The following HNRNPA2B1 variants were observed in gnomAD, a reference collection of about 807,000 sequenced individuals.
HNRNPA2B1 encodes heterogeneous nuclear ribonucleoproteins A2/B1.
HNRNPA2B1 carries 3 observed loss-of-function variants against 46.3 expected under a neutral mutation model. The observed-to-expected ratio is 0.06, with a 90% CI of 0.03 to 0.17. The LOEUF is 0.17. Among genes scored for constraint, HNRNPA2B1 ranks in the 10% least tolerant of loss-of-function variants. The pLI is 1.00. For missense variants in HNRNPA2B1, 221 were observed against 418.9 expected (o/e 0.53, Z 4.12); for synonymous variants, 225 against 133.8 (o/e 1.68, Z -4.70).
intron 4 of HNRNPA2B1, 72 bp downstream of exon 4, chr7:26,196,735 A>C: frequency 1.9e-6 from 3 of 1,564,350 alleles, no homozygotes; most frequent in Non-Finnish European, 2.6e-6. Flanking sequence ...CTTTCAATAA[A>C]GTTACAGATG....
At chr7:26,198,243 T>C (rs1012753616) in intron 1 of HNRNPA2B1, 2 of 162,652 alleles carry the variant, frequency 1.2e-5, no homozygotes, top group Non-Finnish European at 2.7e-5. Context: ...TTCCCTTAAC[T>C]GCCCCCTCTG....
chr7:26,198,229 T>A (rs527583734), intron 1 of HNRNPA2B1: 1 of 170,408 alleles, frequency 5.9e-6, no homozygotes, highest in East Asian at 1.6e-4. Flanking sequence ...AAGTATCATT[T>A]ATTTTCCCTT....
intron 9 of HNRNPA2B1, among the ~76,000 whole-genome samples, chr7:26,192,976 T>C (rs1783081660): frequency 6.6e-6 from 1 of 152,162 alleles, no homozygotes; most frequent in Non-Finnish European, 1.5e-5. Flanking sequence ...ACTTGCAATG[T>C]GGGTTGCAAC....
chr7:26,200,336 C>G, intron 1 of HNRNPA2B1: 1 of 577,886 alleles, frequency 1.7e-6, no homozygotes, highest in Non-Finnish European at 3.1e-6. Flanking sequence ...CATGTGAAAG[C>G]TCCCCATCCC....
chr7:26,197,589 T>C, intron 2 of HNRNPA2B1, 33 bp downstream of exon 2: 1 of 1,570,234 alleles, frequency 6.4e-7, no homozygotes, highest in Non-Finnish European at 8.8e-7. Flanking sequence ...GCTAAAAGAC[T>C]AATATCCAGT....
chr7:26,194,805 A>T (rs909746452), intron 7 of HNRNPA2B1, among the ~76,000 whole-genome samples: 1 of 151,922 alleles, frequency 6.6e-6, no homozygotes, highest in African/African-American at 2.4e-5. Flanking sequence ...AAATAAAAAA[A>T]AAAAAAAGGC....
intron 1 of HNRNPA2B1, 187 bp from the exon 2 acceptor site, chr7:26,197,919 T>C (rs1057451155): frequency 7.1e-6 from 10 of 1,404,148 alleles, no homozygotes; most frequent in Middle Eastern, 5.1e-4. Context: ...TTAAACTGCA[T>C]ATTAGTTGTG....
chr7:26,192,312 C>A lies in HNRNPA2B1; in HGVS notation c.*48G>T. 1.8e-6 allele frequency: 1 copy of A among 559,732 alleles called. No individual in the cohort carries two copies. 34.7% of individuals were successfully genotyped at this position (559,732 alleles called of 1,614,324 possible). On this transcript the variant is annotated 3_prime_UTR_variant, in exon 11 of 11. Transcript: ENST00000618183. ...AGCTGTTCTGTTACCTCTGGGCTCT[C>A]ATCCTCTCCTATTTATACAGTGAAG...
chr7:26,200,515 G>T, intron 1 of HNRNPA2B1, 57 bp downstream of exon 1: 3 of 1,591,034 alleles, frequency 1.9e-6, no homozygotes, highest in Non-Finnish European at 2.6e-6. Flanking sequence ...CTTCCACTGA[G>T]GCGCCAACGG....
chr7:26,190,014 C>CAT lies in HNRNPA2B1; in HGVS notation c.*2344_*2345dup, dbSNP rs1482665590. 1 of 152,352 alleles carries CAT rather than the reference C, an allele frequency of 6.6e-6. No homozygotes were observed. The highest frequency in any genetic ancestry group is 2.4e-5 in the African/African-American group (1 of 41,436). The allele number at this position is 152,352 out of a possible 1,614,324, so 9.4% of individuals were successfully genotyped here. On this transcript the variant is annotated 3_prime_UTR_variant, in exon 11 of 11. Coordinates refer to ENST00000618183, the MANE Select transcript of HNRNPA2B1 (RefSeq NM_002137.4). ...ATTTACCTGTTAATATTAAAATATG[C>CAT]ATAGCTTTGTGAAACTGCTTTTAAA...
rs536568515 is a variant in HNRNPA2B1 at position 26,190,095 on chromosome 7, A to G, written c.*2265T>C. ...CAAATATTTATAGAACAAGATTCAC[A>G]CATTTTATGTGTAAACATTACACCA... On this transcript the variant is annotated 3_prime_UTR_variant, in exon 11 of 11. Transcript: ENST00000618183. 6.5e-6 allele frequency: 1 copy of G among 152,766 alleles called. No homozygotes were observed. The highest frequency in any genetic ancestry group is 2.4e-5 in the African/African-American group (1 of 41,592). 9.5% of individuals were successfully genotyped at this position (152,766 alleles called of 1,614,324 possible).
chr7:26,190,301 ATGTT>A lies in HNRNPA2B1; in HGVS notation c.*2055_*2058del, dbSNP rs1027806119. On this transcript the variant is annotated 3_prime_UTR_variant, in exon 11 of 11. Transcript: ENST00000618183. ...GTTTTATATCAAGAACCTCAACTAA[ATGTT>A]TGTTTTATCAGAAAACATTTCCCTT... 9 of 152,728 alleles carry A rather than the reference ATGTT, an allele frequency of 5.9e-5. No homozygotes were observed. In the South Asian group the frequency reaches 6.2e-4, roughly 11 times the overall value. 9.5% of individuals were successfully genotyped at this position (152,728 alleles called of 1,614,324 possible). A position where few individuals can be genotyped will look rare whatever the true frequency, so the allele number is the denominator to read the frequency against.
At chr7:26,195,116 C>CAAAAAAAAAAAAAAAAAAAAAAAT in intron 7 of HNRNPA2B1, among the ~76,000 whole-genome samples, 1 of 127,606 alleles carries the variant, frequency 7.8e-6, no homozygotes, top group Non-Finnish European at 1.6e-5. Flanking sequence ...AAAAAGAAAC[C>CAAAAAAAAAAAAAAAAAAAAAAAT]ATATTAAAAA....
At chr7:26,195,954 G>A (rs767803892) in intron 6 of HNRNPA2B1, 45 bp from the exon 7 acceptor site, 5 of 1,555,684 alleles carry the variant, frequency 3.2e-6, no homozygotes, top group South Asian at 1.2e-5. Flanking sequence ...AAACTGTTCA[G>A]CATTATTGCT....
chr7:26,194,425 G>A (rs569422319), intron 7 of HNRNPA2B1, among the ~76,000 whole-genome samples: 93 of 151,506 alleles, frequency 6.1e-4, no homozygotes, highest in African/African-American at 2.0e-3. Context: ...TTGGCTGGGC[G>A]CAGCAGCTCA....
rs767834377 is a variant in HNRNPA2B1 at position 26,193,643 on chromosome 7, CCAT to C, written c.770_772del (p.Tyr257_Gly258delinsCys). On this transcript the variant is annotated inframe_deletion, in exon 8 of 11. Transcript: ENST00000618183. ...GTTGCCATATCCAGGTCCTCCACCACCATATCCTCCTCTTCCTCCTCCATAACC... is the reference window on the plus strand; with the variant it reads ...GTTGCCATATCCAGGTCCTCCACCACATCCTCCTCTTCCTCCTCCATAACC... The C allele has an allele frequency of 2.0e-5, 32 of 1,612,826 alleles. No homozygotes were observed. Among genetic ancestry groups the C allele is most frequent in the Non-Finnish European group, 2.5e-5 (30 of 1,179,466 alleles).
At chr7:26,192,710 TAGC>T (rs767572159) in intron 9 of HNRNPA2B1, 133 bp from the exon 10 acceptor site, 2 of 731,720 alleles carry the variant, frequency 2.7e-6, no homozygotes, top group Non-Finnish European at 4.7e-6. Context: ...TGCAGCCAGT[TAGC>T]AGAATTACTC....
chr7:26,190,155 CTTTATA>C lies in HNRNPA2B1; in HGVS notation c.*2199_*2204del, dbSNP rs1359395430. The stretch of plus-strand genomic sequence containing the variant: ...ATACAAAAAGTATTTATTTTATAAA[CTTTATA>C]TTTAAAATAGAATTGTAATCTGTCT... On this transcript the variant is annotated 3_prime_UTR_variant, in exon 11 of 11. Coordinates refer to ENST00000618183, the MANE Select transcript of HNRNPA2B1 (RefSeq NM_002137.4). The C allele has an allele frequency of 5.9e-5, 9 of 152,638 alleles. No homozygotes were observed. In the East Asian group the frequency reaches 1.5e-3, roughly 26 times the overall value. 9.5% of individuals were successfully genotyped at this position (152,638 alleles called of 1,614,324 possible). A position where few individuals can be genotyped will look rare whatever the true frequency, so the allele number is the denominator to read the frequency against.
intron 3 of HNRNPA2B1, 76 bp downstream of exon 3, chr7:26,197,239 A>AT: frequency 2.7e-6 from 4 of 1,478,462 alleles, no homozygotes; most frequent in Non-Finnish European, 3.6e-6. Context: ...TTAAAACTAA[A>AT]TTCAGAAATA....
Sources: gnomAD v4.1 joint callset for allele counts (sites outside exome capture counted in the v4.1 genomes callset) on GRCh38, gnomAD v4.1.1 for gene constraint, MANE v1.5 for transcripts, NCBI Gene and HGNC (gene_info 2026-07-23, HGNC 2026-07-21) for gene names.